TM9SF4: variants seen among roughly 807,000 people sequenced by gnomAD.
TM9SF4 encodes the protein dinucleotide oxidase disulfide thiol exchanger 3 superfamily member 4.
Under a neutral mutation model 90.4 loss-of-function variants are expected in TM9SF4, and 26 were observed. The observed-to-expected ratio is 0.29, with a 90% confidence interval of 0.21 to 0.40. The LOEUF is 0.40. TM9SF4 is among the 10% of genes least tolerant of loss of function. The pLI, the probability that TM9SF4 is intolerant of heterozygous loss-of-function variation, is 1.00. For missense variants in TM9SF4, 549 were observed against 834.8 expected, an observed-to-expected ratio of 0.66 and a Z score of 4.22; for synonymous variants, 293 against 315.4, an observed-to-expected ratio of 0.93 and a Z score of 0.75.
chr20:32,141,852 A>G lies in TM9SF4; in HGVS notation c.485A>G (p.Gln162Arg). 1 of 1,614,132 alleles carries G rather than the reference A, an allele frequency of 6.2e-7. No homozygotes were observed. The stretch of plus-strand genomic sequence containing the variant: ...GACAAGAAGAAGGAAAAAGATGTGC[A>G]GTTTGAACACGGCTACCGGCTCGGC... ...SDDKKKEKDVQFEHGYRLGFT... is the reference protein window; with the variant it reads ...SDDKKKEKDVRFEHGYRLGFT... Residue 162 changes from glutamine to arginine, a missense_variant, in exon 5 of 18, where the codon CAG (glutamine) becomes CGG (arginine). Transcript: ENST00000398022.
intron 16 of TM9SF4, chr20:32,160,949 CAAAAAAAAAAA>C (rs34767421): frequency 1.2e-3 from 49 of 41,680 alleles, no homozygotes; most frequent in African/African-American, 3.7e-3. Flanking sequence ...GACTCCATCT[CAAAAAAAAAAA>C]AAAAAAAAAA....
chr20:32,154,259 C>T (rs947547499), intron 12 of TM9SF4, among the ~76,000 whole-genome samples: 1 of 151,784 alleles, frequency 6.6e-6, no homozygotes, highest in Non-Finnish European at 1.5e-5. Context: ...AGCAATCCAT[C>T]TGTTTCAGCC....
Position 32,165,792 on chromosome 20 carries a change from G to A in TM9SF4, c.*348G>A. 1 of 220,016 alleles carries A rather than the reference G, an allele frequency of 4.5e-6. No homozygotes were observed. Among genetic ancestry groups the A allele is most frequent in the Admixed American group, 5.3e-5 (1 of 19,018 alleles). 13.6% of individuals were successfully genotyped at this position (220,016 alleles called of 1,614,324 possible). ...TGTTTTAACAAATGGATCCAGGATG[G>A]ATAAATCCACCGAGATAAGGGTTTT... On this transcript the variant is annotated 3_prime_UTR_variant, in exon 18 of 18. Transcript: ENST00000398022.
At chr20:32,132,433 G>A (rs1361118089) in intron 1 of TM9SF4, among the ~76,000 whole-genome samples, 2 of 152,058 alleles carry the variant, frequency 1.3e-5, no homozygotes, top group African/African-American at 2.4e-5. Flanking sequence ...GCAGGTGCCT[G>A]TGGGAAGGGC....
intron 2 of TM9SF4, 135 bp from the exon 3 acceptor site, chr20:32,135,939 A>C (rs1178297949): frequency 1.6e-6 from 1 of 638,986 alleles, no homozygotes. Flanking sequence ...AATTGTGGGC[A>C]GTACATTATA....
rs143839977 is a variant in TM9SF4 at position 32,116,507 on chromosome 20, C to T, written c.15+6752C>T. The T allele has an allele frequency of 2.4e-3, 370 of 152,408 alleles. 1 individual carries two copies. Among genetic ancestry groups the T allele is most frequent in the Middle Eastern group, 0.017 (5 of 294 alleles). 9.4% of individuals were successfully genotyped at this position (152,408 alleles called of 1,614,324 possible). On this transcript the variant is annotated intron_variant, in intron 1 of 17. Coordinates refer to ENST00000398022, the MANE Select transcript of TM9SF4 (RefSeq NM_014742.4). ...TGGTTATTAGTTTCACCTGGACTTC[C>T]GCAGTGCAGCCTGCTGTGCGTTTTT...
rs201833248 is a variant in TM9SF4 at position 32,123,338 on chromosome 20, CTG to C, written c.16-9673_16-9672del. ...ATCACTAAATTACCCTCCCTAAAGA[CTG>C]TACCAGTTTACCTACATCTAGGCTA... is the stretch of plus-strand genomic sequence containing the variant. On this transcript the variant is annotated intron_variant, in intron 1 of 17. Transcript: ENST00000398022. 1.4e-3 allele frequency among the ~76,000 whole-genome samples: 216 copies of C among 151,428 alleles called. 5 individuals carry two copies. In the East Asian group the frequency reaches 0.04, roughly 28 times the overall value.
At chr20:32,159,860 C>T in intron 15 of TM9SF4, 132 bp from the exon 16 acceptor site, 1 of 1,322,630 alleles carries the variant, frequency 7.6e-7, no homozygotes, top group Non-Finnish European at 1.1e-6. Context: ...GGGGCCAGAG[C>T]CACATGCCAG....
At chr20:32,133,687 G>A (rs1020329416) in intron 2 of TM9SF4, among the ~76,000 whole-genome samples, 26 of 152,194 alleles carry the variant, frequency 1.7e-4, no homozygotes, top group African/African-American at 6.3e-4. Context: ...ACCCACTGGG[G>A]CCAATTCCAT....
intron 7 of TM9SF4, 35 bp from the exon 8 acceptor site, chr20:32,145,277 A>T (rs753677792): frequency 1.2e-6 from 2 of 1,612,474 alleles, no homozygotes; most frequent in Non-Finnish European, 1.7e-6. Flanking sequence ...CTCCAGCAGG[A>T]TGCCTGACTC....
chr20:32,165,188 T>G, intron 17 of TM9SF4, 107 bp from the exon 18 acceptor site: 2 of 1,493,566 alleles, frequency 1.3e-6, no homozygotes, highest in Non-Finnish European at 1.8e-6. Context: ...CCCCTTCCCC[T>G]GGCCAGGCCT....
chr20:32,130,132 A>G (rs180951362), intron 1 of TM9SF4, among the ~76,000 whole-genome samples: 37 of 152,310 alleles, frequency 2.4e-4, no homozygotes, highest in African/African-American at 6.5e-4. Context: ...AGACAGTGCC[A>G]TCGGATACAG....
At chr20:32,140,965 T>TC (rs1260090990) in intron 3 of TM9SF4, among the ~76,000 whole-genome samples, 3 of 152,086 alleles carry the variant, frequency 2.0e-5, no homozygotes, top group South Asian at 2.1e-4. Flanking sequence ...ACACCTGTAA[T>TC]CTAGCACTTT....
At chr20:32,143,940 C>G (rs1478247217) in intron 6 of TM9SF4, among the ~76,000 whole-genome samples, 1 of 150,146 alleles carries the variant, frequency 6.7e-6, no homozygotes, top group African/African-American at 2.5e-5. Flanking sequence ...CTTTTCTTAC[C>G]ATTTTATCTT....
At chr20:32,122,692 G>A (rs1007232878) in intron 1 of TM9SF4, among the ~76,000 whole-genome samples, 2 of 151,770 alleles carry the variant, frequency 1.3e-5, no homozygotes, top group Non-Finnish European at 2.9e-5. Context: ...AGACTGGGCA[G>A]CCAGGCAGAG....
chr20:32,139,636 ACTCAGATAACGTCTTT>A (rs1297304826), intron 3 of TM9SF4, among the ~76,000 whole-genome samples: 2 of 152,196 alleles, frequency 1.3e-5, no homozygotes, highest in Non-Finnish European at 2.9e-5. Flanking sequence ...CTGGAACCAG[ACTCAGATAACGTCTTT>A]CTCTACCCCT....
At chr20:32,149,600 C>A in intron 9 of TM9SF4, 34 bp from the exon 10 acceptor site, 2 of 1,614,126 alleles carry the variant, frequency 1.2e-6, no homozygotes, top group Non-Finnish European at 1.7e-6. Context: ...CCTCCATCTT[C>A]AACAACCAGC....
chr20:32,158,551 C>A, intron 15 of TM9SF4, 37 bp downstream of exon 15: 1 of 1,604,078 alleles, frequency 6.2e-7, no homozygotes, highest in South Asian at 1.1e-5. Context: ...TCCACCCATG[C>A]TAGCCGGGTC....
intron 8 of TM9SF4, among the ~76,000 whole-genome samples, chr20:32,146,306 G>A (rs971563359): frequency 6.6e-6 from 1 of 152,164 alleles, no homozygotes; most frequent in Non-Finnish European, 1.5e-5. Context: ...GTGCTGGGAC[G>A]TGAAGATGCC....
Sources: gnomAD v4.1 joint callset for allele counts (sites outside exome capture counted in the v4.1 genomes callset) on GRCh38, gnomAD v4.1.1 for gene constraint, MANE v1.5 for transcripts, NCBI Gene and HGNC (gene_info 2026-07-23, HGNC 2026-07-21) for gene names.